The following MYL12B variants were observed in gnomAD, a reference collection of about 807,000 sequenced individuals.
The protein encoded by MYL12B is myosin regulatory light chain 12B.
MYL12B carries 3 observed loss-of-function variants against 12.9 expected under a neutral mutation model. That is an observed-to-expected ratio of 0.23 (90% CI 0.11 to 0.60). MYL12B has a LOEUF of 0.60. MYL12B is among the 20% of genes least tolerant of loss of function. The pLI is 0.89. For missense variants in MYL12B, 120 were observed against 215.4 expected, an observed-to-expected ratio of 0.56 and a Z score of 2.77; for synonymous variants, 57 against 71.9, an observed-to-expected ratio of 0.79 and a Z score of 1.05.
chr18:3,263,446 T>TATA, intron 1 of MYL12B, among the ~76,000 whole-genome samples: 2 of 152,322 alleles, frequency 1.3e-5, no homozygotes, highest in Middle Eastern at 6.8e-3. Flanking sequence ...CCTCCTGGAC[T>TATA]TTATAACTAA....
chr18:3,272,771 A>T, intron 1 of MYL12B, 113 bp from the exon 2 acceptor site: 1 of 971,250 alleles, frequency 1.0e-6, no homozygotes, highest in Non-Finnish European at 1.5e-6. Context: ...CAATTGAAGT[A>T]ATAATTCCTT....
At position 3,273,101 on chromosome 18, in the gene MYL12B, A is replaced by G; in HGVS notation, c.184+19A>G. 6.5e-7 allele frequency: 1 copy of G among 1,543,600 alleles called. No homozygotes were observed. The highest frequency in any genetic ancestry group is 8.7e-7 in the Non-Finnish European group (1 of 1,143,326). On this transcript the variant is annotated intron_variant, in intron 2 of 3. Coordinates refer to ENST00000237500, the MANE Select transcript of MYL12B (RefSeq NM_033546.4). ...TCTCTAGGTAGACTTTATATTCTTTATTTGTATTTTCCCTAAAATAATAAT... is the reference window on the plus strand; with the variant it reads ...TCTCTAGGTAGACTTTATATTCTTTGTTTGTATTTTCCCTAAAATAATAAT...
intron 1 of MYL12B, among the ~76,000 whole-genome samples, chr18:3,271,565 C>G (rs2081679569): frequency 6.6e-6 from 1 of 152,168 alleles, no homozygotes; most frequent in South Asian, 2.1e-4. Context: ...TCTGCAAGAC[C>G]ATCATTTCTG....
At chr18:3,277,608 A>G (rs2081744140) in intron 3 of MYL12B, among the ~76,000 whole-genome samples, 157 bp from the exon 4 acceptor site, 3 of 152,262 alleles carry the variant, frequency 2.0e-5, no homozygotes, top group Admixed American at 1.3e-4. Context: ...ATTGGAAAAC[A>G]TAATGATATA....
At chr18:3,263,430 G>T (rs1351084319) in intron 1 of MYL12B, among the ~76,000 whole-genome samples, 1 of 152,230 alleles carries the variant, frequency 6.6e-6, no homozygotes, top group East Asian at 1.9e-4. Context: ...GTCGAAGGTG[G>T]TGGACCCTCC....
intron 1 of MYL12B, 93 bp downstream of exon 1, chr18:3,262,330 C>T (rs1321994316): frequency 6.6e-6 from 1 of 152,200 alleles, no homozygotes; most frequent in Non-Finnish European, 1.5e-5. Flanking sequence ...GGCCGGACCC[C>T]GCCCCAGGGC....
At position 3,277,289 on chromosome 18, in the gene MYL12B, T is replaced by C; in HGVS notation, c.221T>C (p.Met74Thr). The C allele has an allele frequency of 1.2e-6, 2 of 1,613,276 alleles. No homozygotes were observed. The highest frequency in any genetic ancestry group is 1.7e-6 in the Non-Finnish European group (2 of 1,179,696). Reference protein sequence around the residue: ...NPTDAYLDAMMNEAPGPINFT... With the variant: ...NPTDAYLDAMTNEAPGPINFT... ...ACTGATGCATACCTTGATGCCATGA[T>C]GAATGAGGCCCCAGGGCCCATCAAT... is the stretch of plus-strand genomic sequence containing the variant. The change falls in exon 3 of 4, where the codon ATG becomes ACG. Residue 74 changes from methionine to threonine, a missense_variant. By Grantham distance (81) the Met-to-Thr change is moderately conservative (BLOSUM62 -1). Coordinates refer to ENST00000237500, the MANE Select transcript of MYL12B (RefSeq NM_033546.4).
chr18:3,272,753 T>C (rs2081691202), intron 1 of MYL12B, 131 bp from the exon 2 acceptor site: 3 of 859,342 alleles, frequency 3.5e-6, no homozygotes, highest in African/African-American at 3.4e-5. Context: ...TGCATACTTA[T>C]TCCTACCCAA....
At chr18:3,272,359 A>G (rs2081687387) in intron 1 of MYL12B, 1 of 3,462 alleles carries the variant, frequency 2.9e-4, no homozygotes, top group Non-Finnish European at 5.6e-4. Flanking sequence ...TGTCAGAGTA[A>G]GAAATCAACT....
At chr18:3,263,663 A>G (rs2081613514) in intron 1 of MYL12B, among the ~76,000 whole-genome samples, 1 of 152,232 alleles carries the variant, frequency 6.6e-6, no homozygotes, top group East Asian at 1.9e-4. Flanking sequence ...TTCTCCCAAG[A>G]TTCAAAGGCT....
intron 1 of MYL12B, among the ~76,000 whole-genome samples, chr18:3,272,445 A>G (rs574372075): frequency 4.2e-4 from 64 of 152,206 alleles, no homozygotes; most frequent in Admixed American, 2.1e-3. Flanking sequence ...CATAGATGCT[A>G]GCTATTGTTA....
intron 1 of MYL12B, among the ~76,000 whole-genome samples, chr18:3,263,689 G>A (rs945299787): frequency 1.3e-5 from 2 of 152,204 alleles, no homozygotes; most frequent in Admixed American, 1.3e-4. Context: ...TATATCTGGG[G>A]ATGAGTTTAT....
chr18:3,265,134 A>G (rs867673176), intron 1 of MYL12B, among the ~76,000 whole-genome samples: 1 of 152,184 alleles, frequency 6.6e-6, no homozygotes, highest in Non-Finnish European at 1.5e-5. Context: ...AAAAAAGTTG[A>G]AAAAATTGAG....
intron 1 of MYL12B, among the ~76,000 whole-genome samples, chr18:3,271,367 AC>A (rs2081677506): frequency 6.6e-6 from 1 of 152,200 alleles, no homozygotes; most frequent in African/African-American, 2.4e-5. Context: ...TCAAAACAAC[AC>A]CACTAAGCCA....
chr18:3,267,504 C>T (rs188649752), intron 1 of MYL12B, among the ~76,000 whole-genome samples: 39 of 152,188 alleles, frequency 2.6e-4, no homozygotes, highest in African/African-American at 9.2e-4. Flanking sequence ...ATGTTGATAC[C>T]ACAGCCACCT....
chr18:3,273,245 A>C (rs773295086), intron 2 of MYL12B, among the ~76,000 whole-genome samples, 163 bp downstream of exon 2: 28 of 152,114 alleles, frequency 1.8e-4, no homozygotes, highest in Non-Finnish European at 3.7e-4. Context: ...GGCCAGTCAT[A>C]TGGAGATAAG....
intron 1 of MYL12B, among the ~76,000 whole-genome samples, chr18:3,267,528 C>T (rs576506450): frequency 1.1e-4 from 16 of 152,140 alleles, no homozygotes; most frequent in Non-Finnish European, 1.9e-4. Context: ...ATACATAATA[C>T]AGTAGTCCTA....
intron 1 of MYL12B, among the ~76,000 whole-genome samples, chr18:3,263,988 G>A (rs928372430): frequency 1.2e-4 from 18 of 152,318 alleles, no homozygotes; most frequent in African/African-American, 4.3e-4. Context: ...TATATGATGA[G>A]TTGTCGTGAG....
At chr18:3,268,445 C>G (rs989533070) in intron 1 of MYL12B, among the ~76,000 whole-genome samples, 1 of 152,112 alleles carries the variant, frequency 6.6e-6, no homozygotes, top group Non-Finnish European at 1.5e-5. Context: ...ATTGGACAGT[C>G]CTAGATCAAA....
Sources: allele counts gnomAD v4.1 joint callset (sites outside exome capture counted in the v4.1 genomes callset), GRCh38; gene constraint gnomAD v4.1.1; transcripts MANE v1.5; gene names NCBI Gene and HGNC (gene_info 2026-07-23, HGNC 2026-07-21).